The following CAMKMT variants were observed in gnomAD, a reference collection of about 807,000 sequenced individuals.
The protein encoded by CAMKMT is calmodulin-lysine N-methyltransferase.
Under a neutral mutation model 48.0 loss-of-function variants are expected in CAMKMT, and 53 were observed. That is an observed-to-expected ratio of 1.10 (90% CI 0.89 to 1.39). CAMKMT has a LOEUF of 1.39. Among genes scored for constraint, CAMKMT ranks in the 40% most tolerant of loss-of-function variants. The probability of loss-of-function intolerance (pLI) is 0.00; values close to 1 mark genes in which losing one functional copy is unlikely to be tolerated. For synonymous variants in CAMKMT, 165 were observed against 152.3 expected (o/e 1.08, Z -0.61); for missense variants, 428 against 402.7 (o/e 1.06, Z -0.54).
At chr2:44,366,013 T>C (rs1678551991) in intron 1 of CAMKMT, among the ~76,000 whole-genome samples, 1 of 152,228 alleles carries the variant, frequency 6.6e-6, no homozygotes, top group South Asian at 2.1e-4. Flanking sequence ...TGTCAAATCT[T>C]TCTAGGTATT....
intron 7 of CAMKMT, among the ~76,000 whole-genome samples, chr2:44,742,263 G>A (rs1212716455): frequency 6.6e-6 from 1 of 152,276 alleles, no homozygotes; most frequent in East Asian, 1.9e-4. Flanking sequence ...TGATCTCTTA[G>A]GATTTCCTAA....
chr2:44,720,666 C>A (rs1194605660), intron 7 of CAMKMT, among the ~76,000 whole-genome samples: 3 of 152,128 alleles, frequency 2.0e-5, no homozygotes, highest in African/African-American at 7.2e-5. Context: ...CACATCTTTA[C>A]ATAAATTATA....
intron 3 of CAMKMT, among the ~76,000 whole-genome samples, chr2:44,395,904 T>C (rs369304054): frequency 1.1e-4 from 17 of 152,262 alleles, no homozygotes; most frequent in African/African-American, 4.1e-4. Flanking sequence ...ACAATTAAAA[T>C]AGTGTGGCAT....
intron 3 of CAMKMT, among the ~76,000 whole-genome samples, chr2:44,523,692 C>G (rs894846791): frequency 2.6e-5 from 4 of 151,648 alleles, no homozygotes; most frequent in Admixed American, 1.3e-4. Flanking sequence ...CTATAGAGTA[C>G]CTGTATATGA....
chr2:44,690,662 C>G (rs1676595852), intron 3 of CAMKMT, among the ~76,000 whole-genome samples: 1 of 152,118 alleles, frequency 6.6e-6, no homozygotes, highest in South Asian at 2.1e-4. Context: ...AGTAAGTGTT[C>G]AACAAGTGAT....
chr2:44,584,080 T>C (rs1057217847), intron 3 of CAMKMT, among the ~76,000 whole-genome samples: 3 of 152,222 alleles, frequency 2.0e-5, no homozygotes, highest in Non-Finnish European at 4.4e-5. Context: ...GGCTCCTGGA[T>C]TGTTTTTCGA....
chr2:44,438,702 G>A (rs1255000679), intron 3 of CAMKMT, among the ~76,000 whole-genome samples: 1 of 151,954 alleles, frequency 6.6e-6, no homozygotes, highest in Non-Finnish European at 1.5e-5. Flanking sequence ...TTGTTTGTTT[G>A]TTTTGTTTTT....
intron 2 of CAMKMT, among the ~76,000 whole-genome samples, chr2:44,379,788 A>G (rs1392526620): frequency 2.0e-5 from 3 of 149,914 alleles, no homozygotes; most frequent in Admixed American, 6.6e-5. Context: ...TTTCTTTCCA[A>G]TGGGACTTTT....
chr2:44,640,369 G>A (rs937151816), intron 3 of CAMKMT, among the ~76,000 whole-genome samples: 2 of 152,142 alleles, frequency 1.3e-5, no homozygotes, highest in Non-Finnish European at 2.9e-5. Flanking sequence ...GAGAGACTGA[G>A]CTCCTCTGCC....
At chr2:44,422,328 A>G (rs979463894) in intron 3 of CAMKMT, among the ~76,000 whole-genome samples, 3 of 152,208 alleles carry the variant, frequency 2.0e-5, no homozygotes, top group Admixed American at 6.5e-5. Context: ...ACCCAGTCTC[A>G]GGTATTTCTT....
chr2:44,632,017 A>G (rs77653506), intron 3 of CAMKMT, among the ~76,000 whole-genome samples: 10,174 of 152,090 alleles, frequency 0.067, 556 homozygotes, highest in Admixed American at 0.18. Flanking sequence ...CGTACATTTT[A>G]CTTCTACAGA....
chr2:44,503,069 T>G (rs557251410), intron 3 of CAMKMT, among the ~76,000 whole-genome samples: 1 of 152,154 alleles, frequency 6.6e-6, no homozygotes, highest in Non-Finnish European at 1.5e-5. Context: ...ATGTTATTTT[T>G]CTTACCAAAA....
At chr2:44,427,832 G>T (rs1303556648) in intron 3 of CAMKMT, among the ~76,000 whole-genome samples, 1 of 152,132 alleles carries the variant, frequency 6.6e-6, no homozygotes, top group Non-Finnish European at 1.5e-5. Flanking sequence ...TGAAATGGGA[G>T]AGTTCCTTTG....
intron 3 of CAMKMT, among the ~76,000 whole-genome samples, chr2:44,525,012 T>C (rs997657374): frequency 2.6e-5 from 4 of 152,136 alleles, no homozygotes; most frequent in South Asian, 2.1e-4. Flanking sequence ...TTTTGTATTA[T>C]TTTCATTAAA....
intron 3 of CAMKMT, among the ~76,000 whole-genome samples, chr2:44,471,562 T>TA (rs1294927417): frequency 3.3e-5 from 5 of 151,918 alleles, no homozygotes; most frequent in African/African-American, 4.8e-5. Context: ...ATTGTGCCAA[T>TA]ACACTCTAGC....
At chr2:44,528,613 C>G (rs1221496361) in intron 3 of CAMKMT, among the ~76,000 whole-genome samples, 2 of 152,148 alleles carry the variant, frequency 1.3e-5, no homozygotes, top group Non-Finnish European at 2.9e-5. Flanking sequence ...TAATTCATAA[C>G]TTTTTCTTTA....
chr2:44,650,347 G>A (rs1056344872), intron 3 of CAMKMT, among the ~76,000 whole-genome samples: 1 of 152,144 alleles, frequency 6.6e-6, no homozygotes, highest in African/African-American at 2.4e-5. Flanking sequence ...GGGGCCCACT[G>A]TACTCCAGTG....
chr2:44,699,721 CT>C (rs1558803823), intron 3 of CAMKMT, among the ~76,000 whole-genome samples: 1 of 152,128 alleles, frequency 6.6e-6, no homozygotes. Flanking sequence ...AGCAATCCTC[CT>C]TCCTCGCCCT....
intron 3 of CAMKMT, among the ~76,000 whole-genome samples, chr2:44,613,489 G>C (rs937500798): frequency 6.6e-6 from 1 of 152,144 alleles, no homozygotes; most frequent in African/African-American, 2.4e-5. Flanking sequence ...TGCTGTGCCA[G>C]TTGTTAAAAT....
Sources: allele counts gnomAD v4.1 joint callset (sites outside exome capture counted in the v4.1 genomes callset), GRCh38; gene constraint gnomAD v4.1.1; transcripts MANE v1.5; gene names NCBI Gene and HGNC (gene_info 2026-07-23, HGNC 2026-07-21).